The following CLSTN2 variants were observed in gnomAD, a reference collection of about 807,000 sequenced individuals.
The protein encoded by CLSTN2 is calsyntenin 2.
CLSTN2 carries 48 observed loss-of-function variants against 101.2 expected under a neutral mutation model. The observed-to-expected ratio is 0.47, with a 90% CI of 0.38 to 0.60. The LOEUF is 0.60. Among genes scored for constraint, CLSTN2 ranks in the 20% least tolerant of loss-of-function variants. The pLI is 0.00. For missense variants in CLSTN2, 1,160 were observed against 1,238.2 expected, an observed-to-expected ratio of 0.94 and a Z score of 0.95; for synonymous variants, 481 against 463.6, an observed-to-expected ratio of 1.04 and a Z score of -0.48.
chr3:140,347,496 A>ACAG (rs2087561053), intron 2 of CLSTN2, among the ~76,000 whole-genome samples: 1 of 152,272 alleles, frequency 6.6e-6, no homozygotes, highest in East Asian at 1.9e-4. Context: ...CTGAGCAGGC[A>ACAG]AATTCAATAA....
chr3:140,272,469 G>A (rs2086751595), intron 2 of CLSTN2, among the ~76,000 whole-genome samples: 1 of 152,206 alleles, frequency 6.6e-6, no homozygotes. Flanking sequence ...AGAATGACTG[G>A]TCGGGTGTGG....
At chr3:140,281,752 CAGAG>C (rs1305305070) in intron 2 of CLSTN2, among the ~76,000 whole-genome samples, 5 of 44,022 alleles carry the variant, frequency 1.1e-4, no homozygotes, top group Non-Finnish European at 1.8e-4. Context: ...ATAAAACTGT[CAGAG>C]AGAGAGCGAG....
rs189897668 is a variant in CLSTN2 at position 140,378,264 on chromosome 3, G to A, written c.233-25365G>A. 1.6e-3 allele frequency among the ~76,000 whole-genome samples: 250 copies of A among 152,236 alleles called. No homozygotes were observed. In the Middle Eastern group the frequency reaches 0.024, roughly 14 times the overall value. Reference sequence around the variant, plus strand: ...ACTCTCTCAATGTATATAAATGACCGGATACTTCATTTAGCACCTACTCTG... The same window carrying A: ...ACTCTCTCAATGTATATAAATGACCAGATACTTCATTTAGCACCTACTCTG... On this transcript the variant is annotated intron_variant, in intron 2 of 16. Transcript: ENST00000458420.
At chr3:140,021,002 C>T (rs1392397762) in intron 1 of CLSTN2, among the ~76,000 whole-genome samples, 1 of 152,128 alleles carries the variant, frequency 6.6e-6, no homozygotes, top group African/African-American at 2.4e-5. Context: ...CCTTCTCCAC[C>T]CAGCACTCAT....
chr3:140,551,760 G>T (rs148477662), intron 10 of CLSTN2, among the ~76,000 whole-genome samples: 4 of 150,752 alleles, frequency 2.7e-5, no homozygotes, highest in Non-Finnish European at 5.9e-5. Context: ...TATTTACCTT[G>T]TAGTGATGTT....
chr3:140,336,245 G>A (rs1430135009), intron 2 of CLSTN2, among the ~76,000 whole-genome samples: 1 of 152,168 alleles, frequency 6.6e-6, no homozygotes, highest in African/African-American at 2.4e-5. Flanking sequence ...TTTATTTCAT[G>A]TAATCCTTAT....
intron 5 of CLSTN2, among the ~76,000 whole-genome samples, chr3:140,427,601 TG>T (rs1239277374): frequency 9.2e-5 from 14 of 151,950 alleles, no homozygotes; most frequent in African/African-American, 3.4e-4. Context: ...GTGGAGGGCT[TG>T]GGCATGGATC....
At chr3:140,456,179 C>G (rs1348546890) in intron 6 of CLSTN2, among the ~76,000 whole-genome samples, 2 of 151,986 alleles carry the variant, frequency 1.3e-5, no homozygotes, top group Non-Finnish European at 2.9e-5. Flanking sequence ...CAGTCGTTTC[C>G]CCTCTCTGGG....
At position 140,387,781 on chromosome 3, in the gene CLSTN2, T is replaced by C. The variant is rs184275993; in HGVS notation, c.233-15848T>C. Among the ~76,000 whole-genome samples the C allele has an allele frequency of 1.6e-3, 244 of 152,356 alleles. 1 individual carries two copies. Among genetic ancestry groups the C allele is most frequent in the African/African-American group, 5.8e-3 (241 of 41,590 alleles). The stretch of plus-strand genomic sequence containing the variant: ...TTTCAAAATTTACATGATTTAATAA[T>C]AAAAGCTTTGCTTTTTTAGAAATGT... On this transcript the variant is annotated intron_variant, in intron 2 of 16. Transcript: ENST00000458420.
chr3:140,566,112 C>T lies in CLSTN2; in HGVS notation c.2727C>T (p.Ala909=), dbSNP rs377663097. Residue 909 remains alanine, a synonymous_variant, in exon 17 of 17, where the codon GCC becomes GCT. Coordinates refer to ENST00000458420, the MANE Select transcript of CLSTN2 (RefSeq NM_022131.3). The stretch of plus-strand genomic sequence containing the variant: ...CTGAGGGAGAAGAGGAGGAAGAAGC[C>T]GAGGAAGAAATGAGCTCCAGCAGTG... ...DETEGEEEEE[A]EEEMSSSSGS... 1.2e-5 allele frequency: 20 copies of T among 1,611,140 alleles called. No individual in the cohort carries two copies. The highest frequency in any genetic ancestry group is 1.1e-4 in the East Asian group (5 of 44,844).
intron 2 of CLSTN2, among the ~76,000 whole-genome samples, chr3:140,354,876 T>C (rs2087651957): frequency 6.6e-6 from 1 of 152,230 alleles, no homozygotes; most frequent in African/African-American, 2.4e-5. Flanking sequence ...GTAGCACTTC[T>C]GGAGAATGGT....
At chr3:139,957,416 T>G (rs1935427224) in intron 1 of CLSTN2, among the ~76,000 whole-genome samples, 1 of 152,186 alleles carries the variant, frequency 6.6e-6, no homozygotes. Flanking sequence ...AAAATGAAGT[T>G]TCATCTTTCT....
intron 5 of CLSTN2, among the ~76,000 whole-genome samples, chr3:140,432,763 G>A (rs564461106): frequency 5.6e-4 from 85 of 152,256 alleles, no homozygotes; most frequent in African/African-American, 1.9e-3. Context: ...AGACTTGGAG[G>A]TTTTCTAGGT....
At chr3:140,455,676 C>G (rs1291500904) in intron 6 of CLSTN2, among the ~76,000 whole-genome samples, 2 of 152,224 alleles carry the variant, frequency 1.3e-5, no homozygotes, top group African/African-American at 4.8e-5. Flanking sequence ...TAAATACACC[C>G]TGATGTGTAG....
rs7625712 is a variant in CLSTN2 at position 140,247,868 on chromosome 3, T to C, written c.232+71795T>C. On this transcript the variant is annotated intron_variant, in intron 2 of 16. Transcript: ENST00000458420. ...AATAAATACCTTCACAGGTAAAGAC[T>C]TTCCCTGCCTTCCAGAGCTTTTCAA... Among the ~76,000 whole-genome samples, 1,035 of 152,300 alleles carry C rather than the reference T, an allele frequency of 6.8e-3. 15 individuals carry two copies. Among genetic ancestry groups the C allele is most frequent in the African/African-American group, 0.023 (971 of 41,562 alleles).
At chr3:140,420,282 C>A (rs2088486110) in intron 4 of CLSTN2, among the ~76,000 whole-genome samples, 4 of 149,576 alleles carry the variant, frequency 2.7e-5, no homozygotes, top group Admixed American at 2.7e-4. Context: ...TTGCTGTCAA[C>A]TCTGCCGCCA....
At chr3:140,528,211 C>T (rs1278347031) in intron 8 of CLSTN2, among the ~76,000 whole-genome samples, 1 of 152,168 alleles carries the variant, frequency 6.6e-6, no homozygotes, top group Non-Finnish European at 1.5e-5. Context: ...TGCTTCAATA[C>T]TGAAAAGCAT....
At chr3:140,071,864 A>T (rs918325128) in intron 1 of CLSTN2, among the ~76,000 whole-genome samples, 4 of 133,368 alleles carry the variant, frequency 3.0e-5, no homozygotes, top group Non-Finnish European at 6.1e-5. Flanking sequence ...AATAAATAAA[A>T]AAGAAAAACA....
intron 2 of CLSTN2, among the ~76,000 whole-genome samples, chr3:140,222,158 C>T (rs998676793): frequency 5.3e-5 from 8 of 151,644 alleles, no homozygotes; most frequent in Non-Finnish European, 7.4e-5. Flanking sequence ...GAGATCCTGC[C>T]ATTTGCAATA....
Sources: gnomAD v4.1 joint callset for allele counts (sites outside exome capture counted in the v4.1 genomes callset) on GRCh38, gnomAD v4.1.1 for gene constraint, MANE v1.5 for transcripts, NCBI Gene and HGNC (gene_info 2026-07-23, HGNC 2026-07-21) for gene names.